The following GRIN1 variants were observed in gnomAD, a reference collection of about 807,000 sequenced individuals.
GRIN1 encodes glutamate ionotropic receptor NMDA type subunit 1.
GRIN1 carries 38 observed loss-of-function variants against 103.0 expected under a neutral mutation model. That is an observed-to-expected ratio of 0.37 (90% CI 0.28 to 0.48). The LOEUF (loss-of-function observed/expected upper bound fraction) is 0.48. Among genes scored for constraint, GRIN1 ranks in the 20% least tolerant of loss-of-function variants. The probability of loss-of-function intolerance (pLI) is 0.98; values close to 1 mark genes in which losing one functional copy is unlikely to be tolerated. For missense variants in GRIN1, 577 were observed against 1,288.9 expected (o/e 0.45, Z 8.46); for synonymous variants, 544 against 532.7 (o/e 1.02, Z -0.29).
At chr9:137,160,672 CG>C (rs1402013007) in intron 8 of GRIN1, among the ~76,000 whole-genome samples, 2 of 152,160 alleles carry the variant, frequency 1.3e-5, no homozygotes, top group Non-Finnish European at 2.9e-5. Context: ...CCTCGTGATC[CG>C]GCCGCCTCGG....
In GRIN1 at chr9:137,156,966, G is replaced by A. The variant is rs1319823168; in HGVS notation, c.897G>A (p.Glu299=). Residue 299 remains glutamate, a synonymous_variant, in exon 6 of 20, where the codon GAG becomes GAA. Transcript: ENST00000371561. ...AQAVHELLEK[E]NITDPPRGCV... Reference sequence around the variant, plus strand: ...CCGTGCACGAGCTCCTCGAGAAGGAGAACATCACCGACCCGCCGCGGGGCT... The same window carrying A: ...CCGTGCACGAGCTCCTCGAGAAGGAAAACATCACCGACCCGCCGCGGGGCT... 4 of 1,612,106 alleles carry A rather than the reference G, an allele frequency of 2.5e-6. No homozygotes were observed. The highest frequency in any genetic ancestry group is 1.3e-5 in the African/African-American group (1 of 74,940).
At position 137,161,189 on chromosome 9, in the gene GRIN1, C is replaced by T. The variant is rs200225692; in HGVS notation, c.1331C>T (p.Pro444Leu). The T allele has an allele frequency of 3.4e-5, 54 of 1,608,574 alleles. No individual in the cohort carries two copies. In the African/African-American group the frequency reaches 6.8e-4, roughly 20 times the overall value. Residue 444 changes from proline (P) to leucine (L), a missense_variant, in exon 9 of 20, where the codon CCG becomes CTG. Physicochemically the swap from Pro to Leu is moderately conservative, Grantham distance 98 (BLOSUM62 -3). Transcript: ENST00000371561. ...VICTGPNDTS[P>L]GSPRHTVPQC... ...TGCACCGGGCCCAACGACACGTCGC[C>T]GGGCAGCCGTGAGTGCGCGGGGCAG...
At chr9:137,166,602 A>C (rs908273879) in intron 19 of GRIN1, among the ~76,000 whole-genome samples, 1 of 152,260 alleles carries the variant, frequency 6.6e-6, no homozygotes, top group Non-Finnish European at 1.5e-5. Context: ...TGAAGCCACC[A>C]GGGTGCCCCA....
At chr9:137,160,533 C>G (rs1181711332) in intron 8 of GRIN1, among the ~76,000 whole-genome samples, 1 of 152,142 alleles carries the variant, frequency 6.6e-6, no homozygotes, top group Non-Finnish European at 1.5e-5. Flanking sequence ...GGGTTCACGC[C>G]ATTCTCCTGC....
intron 2 of GRIN1, among the ~76,000 whole-genome samples, chr9:137,145,499 G>A (rs1406042785): frequency 8.5e-6 from 1 of 117,164 alleles, no homozygotes; most frequent in Non-Finnish European, 1.7e-5. Flanking sequence ...ACAGGGGTGG[G>A]AGACACGAGG....
chr9:137,164,186 A>G, intron 18 of GRIN1: 1 of 502,522 alleles, frequency 2.0e-6, no homozygotes, highest in South Asian at 2.0e-5. Context: ...GCCCGCCGGT[A>G]CCCATTCCAT....
At position 137,146,984 on chromosome 9, in the gene GRIN1, C is replaced by T. The variant is rs1281609240; in HGVS notation, c.570+1082C>T. Among the ~76,000 whole-genome samples the T allele has an allele frequency of 1.9e-5, 2 of 104,526 alleles. No homozygotes were observed. The highest frequency in any genetic ancestry group is 3.8e-5 in the African/African-American group (1 of 26,582). 68.6% of individuals were successfully genotyped at this position (104,526 alleles called of 152,430 possible). On this transcript the variant is annotated intron_variant, in intron 3 of 19. Transcript: ENST00000371561. This position sits in a 1 kb window ranked among gnomAD's most constrained non-coding sequence, Gnocchi z 6.7. ...TGGGCACCAAGGGCCCCACCCAAGACAGTGCCCCTCACCCCAGTGCCCGAC... is the reference window on the plus strand; with the variant it reads ...TGGGCACCAAGGGCCCCACCCAAGATAGTGCCCCTCACCCCAGTGCCCGAC...
Position 137,139,452 on chromosome 9 carries a change from C to A in GRIN1, c.-35C>A, listed in dbSNP as rs200150234. 2,522 of 1,439,790 alleles carry A rather than the reference C, an allele frequency of 1.8e-3. 5 individuals are homozygous for A. Among genetic ancestry groups the A allele is most frequent in the Non-Finnish European group, 2.1e-3 (2,319 of 1,096,914 alleles). The allele number at this position is 1,439,790 out of a possible 1,614,324, so 89.2% of individuals were successfully genotyped here. A position where few individuals can be genotyped will look rare whatever the true frequency, so the allele number is the denominator to read the frequency against. On this transcript the variant is annotated 5_prime_UTR_variant, in exon 1 of 20. Coordinates refer to ENST00000371561, the MANE Select transcript of GRIN1 (RefSeq NM_007327.4). This position sits in a 1 kb window ranked among gnomAD's most constrained non-coding sequence, Gnocchi z 7.7. Reference sequence around the variant, plus strand: ...GGGGATGCGCCGAGGGCCCCGCGTTCGCGCCGCGCAGAGCCAGGCCCGCGG... The same window carrying A: ...GGGGATGCGCCGAGGGCCCCGCGTTAGCGCCGCGCAGAGCCAGGCCCGCGG...
At chr9:137,147,847 G>A (rs1342882129) in intron 3 of GRIN1, among the ~76,000 whole-genome samples, 2 of 152,216 alleles carry the variant, frequency 1.3e-5, no homozygotes, top group Non-Finnish European at 2.9e-5. Context: ...CAGGGTGGGG[G>A]CGGCAGGTGG....
chr9:137,167,847 C>T lies in GRIN1; in HGVS notation c.*320C>T, dbSNP rs759932404. The T allele has an allele frequency of 1.9e-6, 3 of 1,611,400 alleles. No individual in the cohort carries two copies. In the Admixed American group the frequency reaches 5.0e-5, roughly 27 times the overall value. On this transcript the variant is annotated 3_prime_UTR_variant, in exon 20 of 20. Transcript: ENST00000371561. Reference sequence around the variant, plus strand: ...TCGGTCAGCACCGTGGTGTGAGGCCCCCGGAGGCGCCCACCTGCCCAGTTA... The same window carrying T: ...TCGGTCAGCACCGTGGTGTGAGGCCTCCGGAGGCGCCCACCTGCCCAGTTA...
At chr9:137,147,508 G>A (rs935911003) in intron 3 of GRIN1, among the ~76,000 whole-genome samples, 19 of 152,052 alleles carry the variant, frequency 1.2e-4, no homozygotes, top group Non-Finnish European at 1.5e-5. Context: ...ATGCACACAT[G>A]CACACACACA....
In GRIN1 at chr9:137,168,370, T is replaced by A; in HGVS notation, c.*843T>A. 5.6e-6 allele frequency: 1 copy of A among 178,826 alleles called. No individual in the cohort carries two copies. Among genetic ancestry groups the A allele is most frequent in the Non-Finnish European group, 1.2e-5 (1 of 86,874 alleles). 11.1% of individuals were successfully genotyped at this position (178,826 alleles called of 1,614,324 possible). A position where few individuals can be genotyped will look rare whatever the true frequency, so the allele number is the denominator to read the frequency against. The stretch of plus-strand genomic sequence containing the variant: ...CCCTGCCCTCCCCCACGGCCGTCCC[T>A]GACTTCCCAGCTGGCAGCGCCTCCC... On this transcript the variant is annotated 3_prime_UTR_variant, in exon 20 of 20. Transcript: ENST00000371561.
intron 2 of GRIN1, among the ~76,000 whole-genome samples, chr9:137,142,839 C>G (rs1196825706): frequency 6.6e-6 from 1 of 152,202 alleles, no homozygotes; most frequent in African/African-American, 2.4e-5. Context: ...CTTCCAGCCT[C>G]TAGGGCTGAG....
chr9:137,153,033 AC>A, intron 4 of GRIN1, among the ~76,000 whole-genome samples: 1 of 152,220 alleles, frequency 6.6e-6, no homozygotes, highest in South Asian at 2.1e-4. Flanking sequence ...AGAATCATGT[AC>A]AGGTCATACA....
At chr9:137,150,686 A>G (rs1272530315) in intron 4 of GRIN1, among the ~76,000 whole-genome samples, 11 of 138,452 alleles carry the variant, frequency 7.9e-5, no homozygotes, top group African/African-American at 3.0e-4. Context: ...AGCCCCGCCC[A>G]GAAAAAAAGA....
intron 16 of GRIN1, 57 bp from the exon 17 acceptor site, chr9:137,163,502 T>G (rs572221079): frequency 1.5e-6 from 2 of 1,317,874 alleles, no homozygotes; most frequent in South Asian, 1.2e-5. Flanking sequence ...GCCCCCAGCT[T>G]GCTCCTTCCC....
intron 4 of GRIN1, among the ~76,000 whole-genome samples, chr9:137,151,257 C>A (rs1232605711): frequency 6.8e-6 from 1 of 147,850 alleles, no homozygotes; most frequent in South Asian, 2.1e-4. Context: ...AAGACCAGCC[C>A]AGGGAAAGCC....
intron 15 of GRIN1, 30 bp downstream of exon 15, chr9:137,163,033 C>T (rs1356094698): frequency 1.8e-6 from 2 of 1,133,188 alleles, no homozygotes; most frequent in South Asian, 2.6e-5. Context: ...CCTGGCGGGG[C>T]GGGACAGGTG....
At chr9:137,164,824 C>T (rs1035698339) in intron 18 of GRIN1, 20 of 334,208 alleles carry the variant, frequency 6.0e-5, no homozygotes, top group Non-Finnish European at 7.6e-5. Context: ...GTGGCCTCCA[C>T]GCAGACAGCT....
Sources: gnomAD v4.1 joint callset for allele counts (sites outside exome capture counted in the v4.1 genomes callset) on GRCh38, gnomAD v4.1.1 for gene constraint, Gnocchi (gnomAD v3.1) non-coding constraint, MANE v1.5 for transcripts, NCBI Gene and HGNC (gene_info 2026-07-23, HGNC 2026-07-21) for gene names.